Variants in TOMM7 observed in about 807,000 individuals in gnomAD.
The protein encoded by TOMM7 is translocase of outer mitochondrial membrane 7, also known as mitochondrial import receptor subunit TOM7 homolog.
TOMM7 carries 8 observed loss-of-function variants against 9.5 expected under a neutral mutation model. The observed-to-expected ratio is 0.84, with a 90% CI of 0.49 to 1.51. TOMM7 has a LOEUF of 1.51. TOMM7 is among the 40% of genes most tolerant of loss of function. TOMM7 has a pLI of 0.00. For synonymous variants in TOMM7, 27 were observed against 21.4 expected (o/e 1.26, Z -0.72); for missense variants, 74 against 63.7 (o/e 1.16, Z -0.55).
intron 1 of TOMM7, among the ~76,000 whole-genome samples, chr7:22,819,635 A>T (rs761628360): frequency 6.6e-6 from 1 of 152,188 alleles, no homozygotes; most frequent in Non-Finnish European, 1.5e-5. Context: ...CCTCCTGCAC[A>T]TGTGGTGGAT....
intron 2 of TOMM7, among the ~76,000 whole-genome samples, chr7:22,814,012 T>A (rs1199994027): frequency 1.3e-5 from 2 of 150,180 alleles, no homozygotes; most frequent in East Asian, 4.0e-4. Flanking sequence ...TCTTAAACCC[T>A]AAGTATTTTT....
chr7:22,822,537 C>A (rs1021864262), intron 1 of TOMM7, 140 bp downstream of exon 1: 8 of 804,010 alleles, frequency 1.0e-5, no homozygotes, highest in Non-Finnish European at 1.7e-5. Context: ...TAGATCGGCC[C>A]CACTTGACCA....
chr7:22,822,675 AC>A lies in TOMM7; in HGVS notation c.103+1del. On this transcript the variant is annotated splice_donor_variant, in intron 1 of 2. Coordinates refer to ENST00000358435, the MANE Select transcript of TOMM7 (RefSeq NM_019059.5). LOFTEE classifies it high-confidence loss of function. ...CACTTTCCCGGTTCTTCTCCCACTGACCCAGGTAAATCACAAGAGGGATAAA... is the reference window on the plus strand; with the variant it reads ...CACTTTCCCGGTTCTTCTCCCACTGACCAGGTAAATCACAAGAGGGATAAA... The A allele has an allele frequency of 6.2e-7, 1 of 1,612,372 alleles. No individual in the cohort carries two copies. The highest frequency in any genetic ancestry group is 1.1e-5 in the South Asian group (1 of 91,032).
chr7:22,818,830 C>T (rs1317062590), intron 1 of TOMM7, among the ~76,000 whole-genome samples: 1 of 151,762 alleles, frequency 6.6e-6, no homozygotes, highest in Non-Finnish European at 1.5e-5. Flanking sequence ...CAAGGCTGGT[C>T]TTGAACTCCT....
Position 22,818,130 on chromosome 7 carries a change from T to C in TOMM7, c.104-82A>G. The C allele has an allele frequency of 5.2e-6, 7 of 1,350,170 alleles. No individual in the cohort carries two copies. In the South Asian group the frequency reaches 7.1e-5, roughly 14 times the overall value. 83.6% of individuals were successfully genotyped at this position (1,350,170 alleles called of 1,614,324 possible). A position where few individuals can be genotyped will look rare whatever the true frequency, so the allele number is the denominator to read the frequency against. On this transcript the variant is annotated intron_variant, in intron 1 of 2. Coordinates refer to ENST00000358435, the MANE Select transcript of TOMM7 (RefSeq NM_019059.5). ...CATTTACAATCAAGACTTTTTCTTC[T>C]TTGTAATCCAACCTAGGATAGTTAG... is the stretch of plus-strand genomic sequence containing the variant.
rs534640855 is a variant in TOMM7 at position 22,822,191 on chromosome 7, C to G, written c.103+486G>C. 223 of 1,550,798 alleles carry G rather than the reference C, an allele frequency of 1.4e-4. 1 individual carries two copies. The African/African-American group carries it at 2.8e-3, about 19-fold the overall frequency. ...GGCAGTAATAGAAATCATCCAAACC[C>G]TTCATCGTACAGGTAAGAAAGCAGA... On this transcript the variant is annotated intron_variant, in intron 1 of 2. Transcript: ENST00000358435.
At position 22,822,748 on chromosome 7, in the gene TOMM7, C is replaced by G. The variant is rs140701464; in HGVS notation, c.32G>C (p.Arg11Thr). ...GCTCCCCTTGAAGAGCTGCTGTAGT[C>G]TCTGCTTGGCCTCTTTGCTCAGCTT... MVKLSKEAKQ[R>T]LQQLFKGSQF... The change falls in exon 1 of 3, where the codon AGA becomes ACA. Residue 11 changes from arginine to threonine, a missense_variant. Physicochemically the swap from Arg to Thr is moderately conservative, Grantham distance 71. Coordinates refer to ENST00000358435, the MANE Select transcript of TOMM7 (RefSeq NM_019059.5). The G allele has an allele frequency of 4.1e-5, 66 of 1,614,222 alleles. No individual in the cohort carries two copies. In the African/African-American group the frequency reaches 8.4e-4, roughly 21 times the overall value.
chr7:22,813,220 T>C (rs374397927), intron 2 of TOMM7, 35 bp from the exon 3 acceptor site: 1 of 1,599,464 alleles, frequency 6.3e-7, no homozygotes, highest in African/African-American at 1.3e-5. Context: ...AGAAATTAAA[T>C]TCCGAAATAA....
At chr7:22,822,357 TAG>T in intron 1 of TOMM7, 1 of 1,397,662 alleles carries the variant, frequency 7.2e-7, no homozygotes, top group Non-Finnish European at 9.6e-7. Flanking sequence ...CACCTAGTGC[TAG>T]AGAGTGAATT....
At chr7:22,819,665 T>C (rs1782361811) in intron 1 of TOMM7, among the ~76,000 whole-genome samples, 1 of 152,236 alleles carries the variant, frequency 6.6e-6, no homozygotes, top group South Asian at 2.1e-4. Context: ...GGAGATTAAC[T>C]GGAGTGTAGG....
intron 2 of TOMM7, among the ~76,000 whole-genome samples, chr7:22,814,598 A>G (rs62448357): frequency 0.11 from 17,321 of 152,230 alleles, 1,091 homozygotes; most frequent in Non-Finnish European, 0.14. Flanking sequence ...CCTTATGCAG[A>G]TAATGGAAAT....
rs536444655 is a variant in TOMM7 at position 22,813,999 on chromosome 7, G to A, written c.153-814C>T. ...CAATTTTCAAATGTGTATTAAAATC[G>A]CCTCTTAAACCCTAAGTATTTTTGC... is the stretch of plus-strand genomic sequence containing the variant. On this transcript the variant is annotated intron_variant, in intron 2 of 2. Coordinates refer to ENST00000358435, the MANE Select transcript of TOMM7 (RefSeq NM_019059.5). Among the ~76,000 whole-genome samples the A allele has an allele frequency of 2.2e-4, 33 of 149,250 alleles. No homozygotes were observed. In the East Asian group the frequency reaches 6.6e-3, roughly 30 times the overall value.
chr7:22,817,510 T>C, intron 2 of TOMM7: 1 of 234,020 alleles, frequency 4.3e-6, no homozygotes, highest in Non-Finnish European at 9.2e-6. Context: ...CACCTTGGCT[T>C]TCCAAAGTGC....
chr7:22,820,692 A>C (rs1782375707), intron 1 of TOMM7, among the ~76,000 whole-genome samples: 1 of 152,188 alleles, frequency 6.6e-6, no homozygotes, highest in South Asian at 2.1e-4. Flanking sequence ...TCAGTAAGTG[A>C]AAGAAGTGGG....
chr7:22,822,162 T>C (rs1333672513), intron 1 of TOMM7: 2 of 1,550,322 alleles, frequency 1.3e-6, no homozygotes, highest in Non-Finnish European at 1.7e-6. Flanking sequence ...ACCTGTAAAA[T>C]GGGGGCAGTA....
intron 1 of TOMM7, among the ~76,000 whole-genome samples, chr7:22,819,474 G>A (rs10259561): frequency 0.48 from 72,982 of 151,902 alleles, 19,364 homozygotes; most frequent in East Asian, 0.82. Flanking sequence ...GGGTTCAAGC[G>A]ATTCTCCTGC....
chr7:22,822,176 G>A (rs1178435975), intron 1 of TOMM7: 2 of 1,550,712 alleles, frequency 1.3e-6, no homozygotes, highest in Non-Finnish European at 1.7e-6. Context: ...GGCAGTAATA[G>A]AAATCATCCA....
chr7:22,819,494 C>T (rs1182445590), intron 1 of TOMM7, among the ~76,000 whole-genome samples: 1 of 152,184 alleles, frequency 6.6e-6, no homozygotes, highest in Non-Finnish European at 1.5e-5. Context: ...CCTCAGCCTC[C>T]TGAGTAGTTG....
In TOMM7 at chr7:22,822,680, G is replaced by A. The variant is rs1293241193; in HGVS notation, c.100C>T (p.Leu34=). The A allele has an allele frequency of 6.2e-7, 1 of 1,613,146 alleles. No homozygotes were observed. The highest frequency in any genetic ancestry group is 1.1e-5 in the South Asian group (1 of 91,058). The stretch of plus-strand genomic sequence containing the variant: ...TCCCGGTTCTTCTCCCACTGACCCA[G>A]GTAAATCACAAGAGGGATAAAGCCC... ...RWGFIPLVIY[L]GFKRGADPGM... Residue 34 remains leucine, a synonymous_variant, in exon 1 of 3, where the codon CTG becomes TTG. Coordinates refer to ENST00000358435, the MANE Select transcript of TOMM7 (RefSeq NM_019059.5).
Sources: gnomAD v4.1 joint callset for allele counts (sites outside exome capture counted in the v4.1 genomes callset) on GRCh38, gnomAD v4.1.1 for gene constraint, MANE v1.5 for transcripts, NCBI Gene and HGNC (gene_info 2026-07-23, HGNC 2026-07-21) for gene names.